Variants in NKAIN3 observed in about 807,000 individuals in gnomAD.
NKAIN3 encodes sodium/potassium transporting ATPase interacting 3.
Under a neutral mutation model 30.2 loss-of-function variants are expected in NKAIN3, and 25 were observed. The observed-to-expected ratio is 0.83, with a 90% confidence interval of 0.60 to 1.16. The LOEUF is 1.16. Among genes scored for constraint, NKAIN3 ranks in the 50% most tolerant of loss-of-function variants. NKAIN3 has a pLI of 0.00. For missense variants in NKAIN3, 225 were observed against 254.1 expected, an observed-to-expected ratio of 0.89 and a Z score of 0.78; for synonymous variants, 91 against 89.6, an observed-to-expected ratio of 1.02 and a Z score of -0.09.
chr8:62,419,370 A>G (rs1432405252), intron 1 of NKAIN3, among the ~76,000 whole-genome samples: 2 of 152,176 alleles, frequency 1.3e-5, no homozygotes, highest in Non-Finnish European at 1.5e-5. Context: ...TAGTTAAGGT[A>G]TATCTTTGCA....
At chr8:62,636,867 C>G (rs867116841) in intron 3 of NKAIN3, among the ~76,000 whole-genome samples, 1 of 152,104 alleles carries the variant, frequency 6.6e-6, no homozygotes, top group Non-Finnish European at 1.5e-5. Flanking sequence ...TTTGAAAATG[C>G]CTAATAGTTA....
intron 4 of NKAIN3, chr8:62,856,802 C>G (rs1407867111): frequency 8.0e-6 from 5 of 624,330 alleles, no homozygotes; most frequent in Admixed American, 2.4e-5. Context: ...TTCACTGAAT[C>G]TTTGTCTTTC....
In NKAIN3 at chr8:62,470,884, C is replaced by T. The variant is rs188281620; in HGVS notation, c.55-108655C>T. Among the ~76,000 whole-genome samples, 838 of 130,508 alleles carry T rather than the reference C, an allele frequency of 6.4e-3. 27 individuals carry two copies. Among genetic ancestry groups the T allele is most frequent in the Non-Finnish European group, 1.1e-3 (63 of 58,970 alleles). The allele number at this position is 130,508 out of a possible 152,430, so 85.6% of individuals were successfully genotyped here. On this transcript the variant is annotated intron_variant, in intron 1 of 6. Transcript: ENST00000623646. ...TAAATATGTGTAGATCTTATTGATCCATTTTAACTGCTAGATAGCATTGAT... is the reference window on the plus strand; with the variant it reads ...TAAATATGTGTAGATCTTATTGATCTATTTTAACTGCTAGATAGCATTGAT...
chr8:62,300,528 A>AT (rs1440420545), intron 1 of NKAIN3, among the ~76,000 whole-genome samples: 1 of 152,240 alleles, frequency 6.6e-6, no homozygotes, highest in South Asian at 2.1e-4. Context: ...TTTAAAATAT[A>AT]TTTTTCTAGC....
At chr8:62,555,877 C>T (rs1420281916) in intron 1 of NKAIN3, among the ~76,000 whole-genome samples, 1 of 152,014 alleles carries the variant, frequency 6.6e-6, no homozygotes, top group Non-Finnish European at 1.5e-5. Context: ...AAAATAGTCA[C>T]TTCCTGCTAG....
At chr8:62,924,107 C>T (rs1255386520) in intron 5 of NKAIN3, among the ~76,000 whole-genome samples, 1 of 152,226 alleles carries the variant, frequency 6.6e-6, no homozygotes, top group East Asian at 1.9e-4. Context: ...GCGATATATC[C>T]TACTCTCCTC....
intron 4 of NKAIN3, among the ~76,000 whole-genome samples, chr8:62,904,526 G>C (rs1821718947): frequency 6.6e-6 from 1 of 152,144 alleles, no homozygotes; most frequent in Non-Finnish European, 1.5e-5. Flanking sequence ...CAAAAATCTG[G>C]AGAACTTATT....
chr8:62,541,703 T>C (rs1051848697), intron 1 of NKAIN3, among the ~76,000 whole-genome samples: 3 of 152,144 alleles, frequency 2.0e-5, no homozygotes, highest in Non-Finnish European at 4.4e-5. Flanking sequence ...ATTTTTTTCA[T>C]CTATTATCTT....
At chr8:62,865,479 C>T in intron 4 of NKAIN3, among the ~76,000 whole-genome samples, 1 of 151,974 alleles carries the variant, frequency 6.6e-6, no homozygotes, top group East Asian at 1.9e-4. Context: ...GCACTCTGAT[C>T]CTGGGGAAGA....
intron 1 of NKAIN3, among the ~76,000 whole-genome samples, chr8:62,470,866 G>C (rs771392904): frequency 5.3e-5 from 8 of 151,800 alleles, no homozygotes; most frequent in Non-Finnish European, 8.8e-5. Flanking sequence ...CTATAAATAT[G>C]TGTAGATCTT....
chr8:62,613,380 C>T (rs1203594775), intron 3 of NKAIN3, among the ~76,000 whole-genome samples: 1 of 152,164 alleles, frequency 6.6e-6, no homozygotes, highest in Admixed American at 6.6e-5. Context: ...ACTGAAAAGT[C>T]TGCTGCCAGA....
intron 1 of NKAIN3, among the ~76,000 whole-genome samples, chr8:62,477,845 A>G (rs1806570758): frequency 6.6e-6 from 1 of 152,210 alleles, no homozygotes. Flanking sequence ...TGCCTAAAAC[A>G]GTGAGGGGAT....
At chr8:62,828,077 G>C (rs1819078802) in intron 4 of NKAIN3, among the ~76,000 whole-genome samples, 1 of 150,234 alleles carries the variant, frequency 6.7e-6, no homozygotes, top group Non-Finnish European at 1.5e-5. Context: ...ATACTACTCA[G>C]TAGTAAAAAA....
At chr8:62,994,028 A>T (rs1804046831) in intron 5 of NKAIN3, among the ~76,000 whole-genome samples, 1 of 152,204 alleles carries the variant, frequency 6.6e-6, no homozygotes, top group African/African-American at 2.4e-5. Context: ...CTTTGGGAAG[A>T]CTTTAAATTG....
At chr8:62,682,618 A>C (rs1285129949) in intron 3 of NKAIN3, among the ~76,000 whole-genome samples, 1 of 152,056 alleles carries the variant, frequency 6.6e-6, no homozygotes, top group Non-Finnish European at 1.5e-5. Context: ...AACGAACTAG[A>C]TGCTTTTGAG....
intron 4 of NKAIN3, among the ~76,000 whole-genome samples, chr8:62,851,307 G>T (rs1489074003): frequency 6.6e-6 from 1 of 152,144 alleles, no homozygotes; most frequent in Non-Finnish European, 1.5e-5. Context: ...CATTGATTTT[G>T]TATCCTGAGA....
chr8:62,581,110 T>TATAAAATAAA (rs71559376), intron 2 of NKAIN3, among the ~76,000 whole-genome samples: 14,521 of 114,140 alleles, frequency 0.13, 1,110 homozygotes, highest in Non-Finnish European at 0.15. Context: ...CTCAAAAAAA[T>TATAAAATAAA]ATAAAATAAA....
intron 3 of NKAIN3, among the ~76,000 whole-genome samples, chr8:62,590,792 T>A (rs1170727255): frequency 1.3e-5 from 2 of 151,736 alleles, no homozygotes; most frequent in Non-Finnish European, 3.0e-5. Context: ...TTCCAGAGCC[T>A]CCAGAGGTGG....
Position 62,356,021 on chromosome 8 carries a change from G to A in NKAIN3, c.54+106894G>A, listed in dbSNP as rs34026085. 6.7e-3 allele frequency among the ~76,000 whole-genome samples: 1,013 copies of A among 152,248 alleles called. 6 individuals are homozygous for A. Among genetic ancestry groups the A allele is most frequent in the Non-Finnish European group, 0.01 (703 of 68,020 alleles). On this transcript the variant is annotated intron_variant, in intron 1 of 6. Transcript: ENST00000623646. ...GAATAGTAACTTCCAACGGTGGCAG[G>A]TATAAGGGCATAACCCTAGCGAGTA...
Sources: gnomAD v4.1 joint callset for allele counts (sites outside exome capture counted in the v4.1 genomes callset) on GRCh38, gnomAD v4.1.1 for gene constraint, MANE v1.5 for transcripts, NCBI Gene and HGNC (gene_info 2026-07-23, HGNC 2026-07-21) for gene names.